SLC39A2: variants seen among roughly 807,000 people sequenced by gnomAD.
SLC39A2 encodes solute carrier family 39 member 2.
Under a neutral mutation model 18.0 loss-of-function variants are expected in SLC39A2, and 14 were observed. The ratio of observed to expected loss-of-function variants is 0.78; its 90% CI spans 0.51 to 1.22. The LOEUF (loss-of-function observed/expected upper bound fraction) is 1.22, where lower values mean the gene tolerates loss of function less well. Ranked by LOEUF, SLC39A2 falls within the 50% of genes most tolerant of loss-of-function variation. The pLI, the probability that SLC39A2 is intolerant of heterozygous loss-of-function variation, is 0.00. For missense variants in SLC39A2, 375 were observed against 370.6 expected (o/e 1.01, Z -0.10); for synonymous variants, 152 against 153.1 (o/e 0.99, Z 0.05).
Position 21,001,370 on chromosome 14 carries a change from G to T in SLC39A2, c.721G>T (p.Val241Leu), listed in dbSNP as rs2234639. The T allele has an allele frequency of 1.2e-6, 2 of 1,614,170 alleles. No homozygotes were observed. Among genetic ancestry groups the T allele is most frequent in the South Asian group, 2.2e-5 (2 of 91,080 alleles). The change falls in exon 4 of 4, where the codon GTA (valine) becomes TTA (leucine). Residue 241 changes from valine (V) to leucine (L), a missense_variant. Transcript: ENST00000298681. Reference protein sequence around the residue: ...LALMSPLGLAVGLAVTGGDSE... With the variant: ...LALMSPLGLALGLAVTGGDSE... ...TCTCATGTCCCCCCTGGGCCTAGCCGTAGGGCTGGCTGTGACTGGAGGGGA... is the reference window on the plus strand; with the variant it reads ...TCTCATGTCCCCCCTGGGCCTAGCCTTAGGGCTGGCTGTGACTGGAGGGGA...
Position 21,001,318 on chromosome 14 carries a change from G to A in SLC39A2, c.669G>A (p.Trp223Ter), listed in dbSNP as rs1880622418. Reference protein sequence around the residue: ...RLVHLGTSSRWAVFSILLLAL... With the variant: ...RLVHLGTSSR The stretch of plus-strand genomic sequence containing the variant: ...TGCATTTAGGTACCAGCTCACGATG[G>A]GCAGTGTTCTCCATACTATTATTAG... The change falls in exon 4 of 4, where the codon TGG becomes TGA. Residue 223 changes from tryptophan (W) to a stop codon, truncating the protein, a stop_gained. Transcript: ENST00000298681. LOFTEE classifies it high-confidence loss of function. 3 of 1,614,242 alleles carry A rather than the reference G, an allele frequency of 1.9e-6. No homozygotes were observed. Among genetic ancestry groups the A allele is most frequent in the Non-Finnish European group, 2.5e-6 (3 of 1,180,048 alleles).
At chr14:21,000,724 A>C (rs1880588452) in intron 3 of SLC39A2, among the ~76,000 whole-genome samples, 1 of 152,094 alleles carries the variant, frequency 6.6e-6, no homozygotes, top group Non-Finnish European at 1.5e-5. Context: ...TGCCCACTTC[A>C]GTCTCCCAAA....
Position 21,001,590 on chromosome 14 carries a change from G to A in SLC39A2, c.*11G>A, listed in dbSNP as rs1156279278. 1 of 1,532,294 alleles carries A rather than the reference G, an allele frequency of 6.5e-7. No individual in the cohort carries two copies. The highest frequency in any genetic ancestry group is 1.4e-5 in the African/African-American group (1 of 72,234). 94.9% of individuals were successfully genotyped at this position (1,532,294 alleles called of 1,614,324 possible). ...GCCTTGTGGGCCTGAGAGATTCCTG[G>A]CTTTTCTGATGGACCTATTTAGGAC... On this transcript the variant is annotated 3_prime_UTR_variant, in exon 4 of 4. Transcript: ENST00000298681.
In SLC39A2 at chr14:20,999,929, A is replaced by G. The variant is rs572880496; in HGVS notation, c.246+57A>G. ...TGAGGCCAAAATGATAAACAGGACA[A>G]AGGGAAGAGAGCGGGAAAGTGATGG... On this transcript the variant is annotated intron_variant, in intron 2 of 3. Transcript: ENST00000298681. 1.9e-6 allele frequency: 3 copies of G among 1,604,808 alleles called. No individual in the cohort carries two copies. The East Asian group carries it at 6.7e-5, about 36-fold the overall frequency.
chr14:21,001,038 C>A lies in SLC39A2; in HGVS notation c.389C>A (p.Ala130Asp). The change falls in exon 4 of 4, where the codon GCT becomes GAT. Residue 130 changes from alanine (A) to aspartate (D), a missense_variant. By Grantham distance (126) the Ala-to-Asp change is moderately radical (BLOSUM62 -2). Coordinates refer to ENST00000298681, the MANE Select transcript of SLC39A2 (RefSeq NM_014579.4). ...CTGGCATTGCAGTGCTGTCCTGGGG[C>A]TGCTGGAGGATCGACAGTGCAGGAC... ...ESLALQCCPG[A>D]AGGSTVQDEE... 6.3e-7 allele frequency: 1 copy of A among 1,593,880 alleles called. No homozygotes were observed. Among genetic ancestry groups the A allele is most frequent in the East Asian group, 2.2e-5 (1 of 44,598 alleles).
At chr14:21,000,377 C>G (rs1837837227) in intron 3 of SLC39A2, among the ~76,000 whole-genome samples, 1 of 152,184 alleles carries the variant, frequency 6.6e-6, no homozygotes, top group Non-Finnish European at 1.5e-5. Context: ...TTCATTCTTT[C>G]CCTGGATCCT....
At chr14:21,000,748 AG>A (rs1245251950) in intron 3 of SLC39A2, among the ~76,000 whole-genome samples, 198 bp from the exon 4 acceptor site, 15 of 152,168 alleles carry the variant, frequency 9.9e-5, no homozygotes, top group African/African-American at 3.6e-4. Context: ...CTAGGATTAC[AG>A]GCATGAGCCA....
At position 21,001,210 on chromosome 14, in the gene SLC39A2, G is replaced by T. The variant is rs2234638; in HGVS notation, c.561G>T (p.Pro187=). Residue 187 remains proline (P), a synonymous_variant, in exon 4 of 4, where the codon CCG becomes CCT. Transcript: ENST00000298681. ...VFEGLAVGLQ[P]TVAATVQLCL... Reference sequence around the variant, plus strand: ...AAGGGCTAGCTGTGGGGCTGCAGCCGACAGTAGCAGCTACCGTGCAGCTCT... The same window carrying T: ...AAGGGCTAGCTGTGGGGCTGCAGCCTACAGTAGCAGCTACCGTGCAGCTCT... 3.1e-6 allele frequency: 5 copies of T among 1,614,054 alleles called. No homozygotes were observed. The East Asian group carries it at 1.1e-4, about 36-fold the overall frequency.
Position 20,999,328 on chromosome 14 carries a change from G to A in SLC39A2, c.-119G>A. ...GCAACACAGAAAGAAGATACCAACA[G>A]CCTCCTGAAACTCACGAGAGTGGAC... On this transcript the variant is annotated 5_prime_UTR_variant, in exon 1 of 4. Coordinates refer to ENST00000298681, the MANE Select transcript of SLC39A2 (RefSeq NM_014579.4). 1.4e-6 allele frequency: 1 copy of A among 713,978 alleles called. No homozygotes were observed. 44.2% of individuals were successfully genotyped at this position (713,978 alleles called of 1,614,324 possible).
Position 21,000,956 on chromosome 14 carries a change from C to G in SLC39A2, c.307C>G (p.Pro103Ala). ...TTCTTTTTGTTTCTAGATGGAGTAT[C>G]CCTATGGAGAGCTCATCATCTCCCT... ...GDADSAHMEYPYGELIISLGF... is the reference protein window; with the variant it reads ...GDADSAHMEYAYGELIISLGF... The change falls in exon 4 of 4, where the codon CCC becomes GCC. Residue 103 changes from proline to alanine, a missense_variant. Transcript: ENST00000298681. 6.7e-7 allele frequency: 1 copy of G among 1,499,072 alleles called. No individual in the cohort carries two copies. Among genetic ancestry groups the G allele is most frequent in the Non-Finnish European group, 8.9e-7 (1 of 1,124,604 alleles). The allele number at this position is 1,499,072 out of a possible 1,614,324, so 92.9% of individuals were successfully genotyped here.
At chr14:20,999,904 T>C (rs748263747) in intron 2 of SLC39A2, 32 bp downstream of exon 2, 11 of 1,612,618 alleles carry the variant, frequency 6.8e-6, no homozygotes, top group Non-Finnish European at 8.5e-6. Context: ...CGCAGGTCTA[T>C]GAGGCCAAAA....
At chr14:21,000,882 C>A in intron 3 of SLC39A2, 65 bp from the exon 4 acceptor site, 2 of 1,286,330 alleles carry the variant, frequency 1.6e-6, no homozygotes, top group Non-Finnish European at 2.1e-6. Context: ...TCTCCCAATT[C>A]CATGTCCATC....
chr14:21,000,285 C>G, intron 3 of SLC39A2, 119 bp downstream of exon 3: 1 of 704,266 alleles, frequency 1.4e-6, no homozygotes, highest in South Asian at 1.9e-5. Flanking sequence ...TGCTCCCTAG[C>G]TCAGACATCG....
chr14:21,001,177 A>C lies in SLC39A2; in HGVS notation c.528A>C (p.Ser176=). The change falls in exon 4 of 4, where the codon TCA becomes TCC. Residue 176 remains serine, a synonymous_variant. Coordinates refer to ENST00000298681, the MANE Select transcript of SLC39A2 (RefSeq NM_014579.4). The stretch of plus-strand genomic sequence containing the variant: ...TCTTGCTGTCACTCTCCTTTCACTC[A>C]GTGTTTGAAGGGCTAGCTGTGGGGC... ...LVLLLSLSFH[S]VFEGLAVGLQ... 6.2e-7 allele frequency: 1 copy of C among 1,613,978 alleles called. No homozygotes were observed. Among genetic ancestry groups the C allele is most frequent in the Non-Finnish European group, 8.5e-7 (1 of 1,179,988 alleles).
In SLC39A2 at chr14:21,001,138, C is replaced by T; in HGVS notation, c.489C>T (p.Leu163=). Residue 163 remains leucine (L), a synonymous_variant, in exon 4 of 4, where the codon CTC becomes CTT. Transcript: ENST00000298681. ...GHLPSPSKGP[L]RALVLLLSLS... Reference sequence around the variant, plus strand: ...TACCCTCACCCTCAAAGGGTCCCCTCCGAGCCCTTGTCCTCTTGCTGTCAC... The same window carrying T: ...TACCCTCACCCTCAAAGGGTCCCCTTCGAGCCCTTGTCCTCTTGCTGTCAC... 1 of 1,614,188 alleles carries T rather than the reference C, an allele frequency of 6.2e-7. No individual in the cohort carries two copies. The highest frequency in any genetic ancestry group is 8.5e-7 in the Non-Finnish European group (1 of 1,180,024).
At chr14:20,999,895 G>T (rs2234635) in intron 2 of SLC39A2, 23 bp downstream of exon 2, 1 of 1,613,110 alleles carries the variant, frequency 6.2e-7, no homozygotes, top group South Asian at 1.1e-5. Context: ...ATTTCAAGCC[G>T]CAGGTCTATG....
chr14:21,001,560 T>C lies in SLC39A2; in HGVS notation c.911T>C (p.Phe304Ser). The stretch of plus-strand genomic sequence containing the variant: ...GCCGCTGGTTTTGCCTTCATGGCCT[T>C]TATTGCCTTGTGGGCCTGAGAGATT... ...CVAAGFAFMAFIALWA is the reference protein window; with the variant it reads ...CVAAGFAFMASIALWA Residue 304 changes from phenylalanine (F) to serine (S), a missense_variant, in exon 4 of 4, where the codon TTT (phenylalanine) becomes TCT (serine). By Grantham distance (155) the Phe-to-Ser change is radical (BLOSUM62 -2). Coordinates refer to ENST00000298681, the MANE Select transcript of SLC39A2 (RefSeq NM_014579.4). The C allele has an allele frequency of 6.4e-7, 1 of 1,565,616 alleles. No individual in the cohort carries two copies. The highest frequency in any genetic ancestry group is 8.6e-7 in the Non-Finnish European group (1 of 1,157,318).
chr14:21,001,417 A>C lies in SLC39A2; in HGVS notation c.768A>C (p.Leu256Phe). The change falls in exon 4 of 4, where the codon TTA (leucine) becomes TTC (phenylalanine). Residue 256 changes from leucine (L) to phenylalanine (F), a missense_variant. By Grantham distance (22) the Leu-to-Phe change is conservative (BLOSUM62 0). Transcript: ENST00000298681. ...TGGDSEGGRG[L>F]AQAVLEGVAA... The stretch of plus-strand genomic sequence containing the variant: ...GGGACTCTGAAGGAGGGCGGGGCTT[A>C]GCCCAGGCTGTGTTAGAGGGTGTGG... The C allele has an allele frequency of 6.2e-7, 1 of 1,614,088 alleles. No homozygotes were observed. Among genetic ancestry groups the C allele is most frequent in the Non-Finnish European group, 8.5e-7 (1 of 1,179,948 alleles).
chr14:21,000,010 G>T, intron 2 of SLC39A2, 106 bp from the exon 3 acceptor site: 1 of 1,454,972 alleles, frequency 6.9e-7, no homozygotes, highest in Non-Finnish European at 9.5e-7. Context: ...GTGGGATGGT[G>T]AAAGCAAGTC....
Sources: allele counts gnomAD v4.1 joint callset (sites outside exome capture counted in the v4.1 genomes callset), GRCh38; gene constraint gnomAD v4.1.1; transcripts MANE v1.5; gene names NCBI Gene and HGNC (gene_info 2026-07-23, HGNC 2026-07-21).